The following ERBB4 variants were observed in gnomAD, a reference collection of about 807,000 sequenced individuals.
ERBB4 encodes the protein erb-b2 receptor tyrosine kinase 4, also known as receptor tyrosine-protein kinase erbB-4.
ERBB4 carries 42 observed loss-of-function variants against 158.0 expected under a neutral mutation model. That is an observed-to-expected ratio of 0.27 (90% CI 0.21 to 0.34). The LOEUF is 0.34. Ranked by LOEUF, ERBB4 falls within the 10% of genes least tolerant of loss-of-function variation. The pLI is 1.00. For missense variants in ERBB4, 1,333 were observed against 1,624.1 expected (o/e 0.82, Z 3.08); for synonymous variants, 583 against 558.7 (o/e 1.04, Z -0.61).
intron 2 of ERBB4, among the ~76,000 whole-genome samples, chr2:212,084,544 A>G (rs551234944): frequency 6.6e-6 from 1 of 152,126 alleles, no homozygotes; most frequent in East Asian, 1.9e-4. Context: ...ATATTTCTGA[A>G]GTACTAAAGA....
intron 25 of ERBB4, among the ~76,000 whole-genome samples, chr2:211,409,171 AAC>A (rs2063205421): frequency 6.6e-6 from 1 of 152,114 alleles, no homozygotes; most frequent in Non-Finnish European, 1.5e-5. Flanking sequence ...ATATATTTTT[AAC>A]CAAATGACGG....
chr2:212,507,771 G>T (rs1691275024), intron 1 of ERBB4, among the ~76,000 whole-genome samples: 1 of 152,130 alleles, frequency 6.6e-6, no homozygotes, highest in Admixed American at 6.5e-5. Flanking sequence ...AACCATTCCT[G>T]GTGAATATAC....
chr2:211,608,961 T>C (rs553569558), intron 19 of ERBB4, among the ~76,000 whole-genome samples: 3 of 152,294 alleles, frequency 2.0e-5, no homozygotes, highest in African/African-American at 7.2e-5. Context: ...TCTAGCAATC[T>C]GGGGTCATCT....
At chr2:212,034,632 T>C (rs1029984719) in intron 2 of ERBB4, among the ~76,000 whole-genome samples, 1 of 152,136 alleles carries the variant, frequency 6.6e-6, no homozygotes, top group Non-Finnish European at 1.5e-5. Context: ...TAACAGTTAA[T>C]AACATTAGTT....
intron 1 of ERBB4, among the ~76,000 whole-genome samples, chr2:212,460,017 T>C (rs1688493476): frequency 6.6e-6 from 1 of 152,136 alleles, no homozygotes; most frequent in African/African-American, 2.4e-5. Context: ...TAAGTCTTTC[T>C]CATGCTGTTC....
chr2:212,036,151 T>C (rs1022138914), intron 2 of ERBB4, among the ~76,000 whole-genome samples: 1 of 152,188 alleles, frequency 6.6e-6, no homozygotes, highest in African/African-American at 2.4e-5. Flanking sequence ...TCAACCTCAT[T>C]GCTATCTACT....
At chr2:212,488,162 T>C (rs938128548) in intron 1 of ERBB4, among the ~76,000 whole-genome samples, 3 of 152,074 alleles carry the variant, frequency 2.0e-5, no homozygotes, top group African/African-American at 7.2e-5. Context: ...CTTCTTGCCC[T>C]CTCTGTGCTA....
intron 2 of ERBB4, among the ~76,000 whole-genome samples, chr2:212,113,407 T>C (rs2079475357): frequency 6.6e-6 from 1 of 151,564 alleles, no homozygotes; most frequent in South Asian, 2.1e-4. Context: ...AACCCGTCTC[T>C]ACTAAAAATA....
intron 1 of ERBB4, among the ~76,000 whole-genome samples, chr2:212,140,897 G>T (rs2080443408): frequency 6.8e-6 from 1 of 147,776 alleles, no homozygotes; most frequent in Admixed American, 6.9e-5. Context: ...GTAGAGGGGA[G>T]TATTTAAGTT....
intron 1 of ERBB4, among the ~76,000 whole-genome samples, chr2:212,304,938 ATGTC>A (rs1455559011): frequency 6.6e-6 from 1 of 151,000 alleles, no homozygotes; most frequent in African/African-American, 2.4e-5. Flanking sequence ...GTATGCGTAC[ATGTC>A]TGTGTGTGTG....
chr2:212,481,037 CTAA>C (rs1304745829), intron 1 of ERBB4, among the ~76,000 whole-genome samples: 1 of 151,986 alleles, frequency 6.6e-6, no homozygotes, highest in Non-Finnish European at 1.5e-5. Context: ...AAAACCTTGA[CTAA>C]TGTTGGATTA....
At chr2:211,612,038 TG>T (rs1472794509) in intron 19 of ERBB4, among the ~76,000 whole-genome samples, 2 of 152,180 alleles carry the variant, frequency 1.3e-5, no homozygotes, top group African/African-American at 4.8e-5. Flanking sequence ...GTGTTTCATC[TG>T]GCACTCTAAA....
intron 19 of ERBB4, among the ~76,000 whole-genome samples, chr2:211,563,777 G>T (rs970945556): frequency 1.3e-5 from 2 of 149,960 alleles, no homozygotes; most frequent in African/African-American, 2.5e-5. Context: ...GAGGGAGAGA[G>T]ATATATAATA....
intron 1 of ERBB4, among the ~76,000 whole-genome samples, chr2:212,274,948 C>T (rs2085473257): frequency 6.6e-6 from 1 of 151,678 alleles, no homozygotes. Context: ...GCAGGCCCCA[C>T]TGTGTGATGT....
intron 1 of ERBB4, among the ~76,000 whole-genome samples, chr2:212,497,197 A>C (rs758084347): frequency 0.039 from 5,874 of 149,558 alleles, 182 homozygotes; most frequent in South Asian, 0.1. Flanking sequence ...AAAAAAAAAA[A>C]CCCTATATTT....
intron 1 of ERBB4, among the ~76,000 whole-genome samples, chr2:212,425,166 A>G (rs2091879533): frequency 6.6e-6 from 1 of 151,506 alleles, no homozygotes; most frequent in African/African-American, 2.4e-5. Context: ...GATCTAATTC[A>G]TTAACTCTTT....
At chr2:212,345,526 A>C (rs1332670829) in intron 1 of ERBB4, among the ~76,000 whole-genome samples, 1 of 152,026 alleles carries the variant, frequency 6.6e-6, no homozygotes, top group Non-Finnish European at 1.5e-5. Context: ...AAAATGGAGA[A>C]ACTACCTAGA....
chr2:211,703,765 A>C (rs565613443), intron 11 of ERBB4, among the ~76,000 whole-genome samples: 3 of 152,270 alleles, frequency 2.0e-5, no homozygotes, highest in African/African-American at 7.2e-5. Context: ...TATCCTATAC[A>C]CCCAAGCTAT....
At chr2:212,393,541 T>A (rs963674836) in intron 1 of ERBB4, among the ~76,000 whole-genome samples, 1 of 152,116 alleles carries the variant, frequency 6.6e-6, no homozygotes, top group African/African-American at 2.4e-5. Context: ...TTATTTACAT[T>A]ACTTCATTCT....
Sources: gnomAD v4.1 joint callset for allele counts (sites outside exome capture counted in the v4.1 genomes callset) on GRCh38, gnomAD v4.1.1 for gene constraint, MANE v1.5 for transcripts, NCBI Gene and HGNC (gene_info 2026-07-23, HGNC 2026-07-21) for gene names.